ZDHHC14: variants seen among roughly 807,000 people sequenced by gnomAD.
The protein encoded by ZDHHC14 is palmitoyltransferase ZDHHC14.
Under a neutral mutation model 47.7 loss-of-function variants are expected in ZDHHC14, and 16 were observed. That is an observed-to-expected ratio of 0.34 (90% CI 0.23 to 0.51). The LOEUF is 0.51. ZDHHC14 is among the 20% of genes least tolerant of loss of function. The probability of loss-of-function intolerance (pLI) is 0.97; values close to 1 mark genes in which losing one functional copy is unlikely to be tolerated. For synonymous variants in ZDHHC14, 293 were observed against 278.9 expected, an observed-to-expected ratio of 1.05 and a Z score of -0.50; for missense variants, 515 against 662.5, an observed-to-expected ratio of 0.78 and a Z score of 2.44.
intron 1 of ZDHHC14, among the ~76,000 whole-genome samples, chr6:157,530,652 A>G (rs1204813416): frequency 1.3e-5 from 2 of 152,194 alleles, no homozygotes; most frequent in East Asian, 3.9e-4. Context: ...TTCTCCTGAA[A>G]TACCTTTGTA....
chr6:157,405,475 A>G lies in ZDHHC14; in HGVS notation c.245+23209A>G, dbSNP rs566744347. Among the ~76,000 whole-genome samples, 157 of 151,912 alleles carry G rather than the reference A, an allele frequency of 1.0e-3. 1 individual carries two copies. Among genetic ancestry groups the G allele is most frequent in the East Asian group, 9.5e-3 (49 of 5,150 alleles). On this transcript the variant is annotated intron_variant, in intron 1 of 8. Transcript: ENST00000359775. ...TCTCGATCTCCTGACCTCGTGATCC[A>G]CCCGCCTTGGCCTCCCAAAGTGCTG... is the stretch of plus-strand genomic sequence containing the variant.
intron 1 of ZDHHC14, among the ~76,000 whole-genome samples, chr6:157,422,488 G>C: frequency 6.6e-6 from 1 of 152,206 alleles, no homozygotes; most frequent in East Asian, 1.9e-4. Context: ...GCAGCCTCTA[G>C]TGGAGCGTTA....
At chr6:157,398,031 C>CCCCCAGCT (rs1327048874) in intron 1 of ZDHHC14, among the ~76,000 whole-genome samples, 5 of 150,966 alleles carry the variant, frequency 3.3e-5, no homozygotes, top group Non-Finnish European at 5.9e-5. Flanking sequence ...GCCCCTCAGC[C>CCCCCAGCT]CCCCAGCTCC....
At chr6:157,593,419 G>T (rs768209448) in intron 3 of ZDHHC14, among the ~76,000 whole-genome samples, 1 of 152,188 alleles carries the variant, frequency 6.6e-6, no homozygotes, top group Non-Finnish European at 1.5e-5. Flanking sequence ...GCAGGCACGT[G>T]AAATAAAATC....
intron 1 of ZDHHC14, among the ~76,000 whole-genome samples, chr6:157,540,044 A>T (rs966233800): frequency 2.6e-5 from 4 of 152,222 alleles, no homozygotes; most frequent in African/African-American, 9.6e-5. Flanking sequence ...GATTTGTCCA[A>T]GTGCAACAGC....
intron 4 of ZDHHC14, chr6:157,632,624 A>G (rs1242440605): frequency 1.7e-6 from 1 of 605,102 alleles, no homozygotes; most frequent in Non-Finnish European, 3.0e-6. Flanking sequence ...TACCCTGCAG[A>G]TGTTGGGCCT....
At chr6:157,437,976 G>A (rs1414234770) in intron 1 of ZDHHC14, among the ~76,000 whole-genome samples, 2 of 151,910 alleles carry the variant, frequency 1.3e-5, no homozygotes, top group East Asian at 1.9e-4. Context: ...TAGGTATAAA[G>A]CTAATTAAAA....
chr6:157,638,187 T>G (rs1203986510), intron 5 of ZDHHC14, among the ~76,000 whole-genome samples: 3 of 152,176 alleles, frequency 2.0e-5, no homozygotes, highest in Non-Finnish European at 4.4e-5. Context: ...CTTCCCAGTC[T>G]GCACCATCAG....
intron 1 of ZDHHC14, among the ~76,000 whole-genome samples, chr6:157,398,465 G>C (rs558546127): frequency 1.3e-5 from 2 of 152,160 alleles, no homozygotes; most frequent in Non-Finnish European, 2.9e-5. Flanking sequence ...CTTCATTTGC[G>C]GGGAGGAAAG....
At chr6:157,421,127 T>C (rs1311878540) in intron 1 of ZDHHC14, among the ~76,000 whole-genome samples, 1 of 152,158 alleles carries the variant, frequency 6.6e-6, no homozygotes, top group Non-Finnish European at 1.5e-5. Flanking sequence ...GGTGTTATTA[T>C]GACCGCAGAG....
chr6:157,562,234 A>G (rs1782736558), intron 2 of ZDHHC14, among the ~76,000 whole-genome samples: 1 of 152,134 alleles, frequency 6.6e-6, no homozygotes, highest in Non-Finnish European at 1.5e-5. Flanking sequence ...AAGTCAGTCC[A>G]TCTGTGACCA....
At chr6:157,408,058 A>G (rs1487285611) in intron 1 of ZDHHC14, among the ~76,000 whole-genome samples, 1 of 152,232 alleles carries the variant, frequency 6.6e-6, no homozygotes, top group Non-Finnish European at 1.5e-5. Context: ...ATGACGATGA[A>G]TCTTTAAGAA....
chr6:157,410,449 G>A (rs1439864256), intron 1 of ZDHHC14, among the ~76,000 whole-genome samples: 2 of 152,302 alleles, frequency 1.3e-5, no homozygotes, highest in East Asian at 3.9e-4. Context: ...AAGAATTGAT[G>A]TGTAAAGACT....
chr6:157,509,400 G>C (rs576560243), intron 1 of ZDHHC14, among the ~76,000 whole-genome samples: 2 of 152,180 alleles, frequency 1.3e-5, no homozygotes, highest in Non-Finnish European at 2.9e-5. Context: ...GTGAGATACA[G>C]CTTAACAAAT....
At chr6:157,466,783 C>G (rs1448671279) in intron 1 of ZDHHC14, among the ~76,000 whole-genome samples, 1 of 151,892 alleles carries the variant, frequency 6.6e-6, no homozygotes, top group Non-Finnish European at 1.5e-5. Flanking sequence ...AGCTCGTGAG[C>G]CGAGATCACA....
At chr6:157,383,706 C>G (rs193131930) in intron 1 of ZDHHC14, among the ~76,000 whole-genome samples, 1 of 152,190 alleles carries the variant, frequency 6.6e-6, no homozygotes, top group Admixed American at 6.5e-5. Flanking sequence ...TCCCCATTTC[C>G]GATGGTATGT....
chr6:157,446,066 C>A (rs2114797303), intron 1 of ZDHHC14, among the ~76,000 whole-genome samples: 1 of 152,236 alleles, frequency 6.6e-6, no homozygotes, highest in South Asian at 2.1e-4. Context: ...TTGTTTATAA[C>A]CTTATTCTAA....
At chr6:157,642,254 C>A (rs971486972) in intron 5 of ZDHHC14, among the ~76,000 whole-genome samples, 11 of 152,188 alleles carry the variant, frequency 7.2e-5, no homozygotes, top group Non-Finnish European at 2.9e-5. Context: ...ACTGACGCAT[C>A]CTAACCATTC....
chr6:157,601,460 T>C (rs1784333261), intron 3 of ZDHHC14, among the ~76,000 whole-genome samples: 1 of 152,198 alleles, frequency 6.6e-6, no homozygotes, highest in South Asian at 2.1e-4. Flanking sequence ...ACATTAGAAC[T>C]AGTTTTTTTA....
Sources: gnomAD v4.1 joint callset for allele counts (sites outside exome capture counted in the v4.1 genomes callset) on GRCh38, gnomAD v4.1.1 for gene constraint, MANE v1.5 for transcripts, NCBI Gene and HGNC (gene_info 2026-07-23, HGNC 2026-07-21) for gene names.